Variants in SLC9A9 observed in about 807,000 individuals in gnomAD.
SLC9A9 encodes the protein sodium/hydrogen exchanger 9.
A neutral mutation model predicts 77.8 loss-of-function variants in SLC9A9; 62 were observed. That is an observed-to-expected ratio of 0.80 (90% CI 0.65 to 0.98). The LOEUF (loss-of-function observed/expected upper bound fraction) is 0.98. Ranked by LOEUF, SLC9A9 falls within the 50% of genes least tolerant of loss-of-function variation. The probability of loss-of-function intolerance (pLI) is 0.00; values close to 1 mark genes in which losing one functional copy is unlikely to be tolerated. For missense variants in SLC9A9, 775 were observed against 774.9 expected (o/e 1.00, Z 0.00); for synonymous variants, 320 against 283.5 (o/e 1.13, Z -1.29).
At chr3:143,377,956 T>C (rs948087394) in intron 13 of SLC9A9, among the ~76,000 whole-genome samples, 20 of 152,326 alleles carry the variant, frequency 1.3e-4, no homozygotes, top group African/African-American at 4.8e-4. Flanking sequence ...AATGCCTCCA[T>C]ACTTGCTGTA....
At chr3:143,744,848 C>A (rs1385584787) in intron 4 of SLC9A9, among the ~76,000 whole-genome samples, 1 of 152,138 alleles carries the variant, frequency 6.6e-6, no homozygotes, top group South Asian at 2.1e-4. Flanking sequence ...AAGCCAACAT[C>A]CAGAAGTTTT....
chr3:143,833,725 G>T (rs1239207933), intron 1 of SLC9A9, among the ~76,000 whole-genome samples: 1 of 152,192 alleles, frequency 6.6e-6, no homozygotes, highest in East Asian at 1.9e-4. Context: ...CTTCCTGATT[G>T]TCTTGCATCT....
chr3:143,292,855 A>T (rs539961842), intron 14 of SLC9A9, among the ~76,000 whole-genome samples: 1 of 152,090 alleles, frequency 6.6e-6, no homozygotes, highest in Non-Finnish European at 1.5e-5. Flanking sequence ...CGTTGATGAC[A>T]CTGTTCTGGC....
intron 13 of SLC9A9, among the ~76,000 whole-genome samples, chr3:143,368,610 A>T (rs1476577698): frequency 6.6e-6 from 1 of 152,222 alleles, no homozygotes; most frequent in African/African-American, 2.4e-5. Flanking sequence ...TCAACTGATA[A>T]CAAAGACAAA....
chr3:143,821,902 C>T (rs6793658), intron 2 of SLC9A9, among the ~76,000 whole-genome samples: 3 of 152,076 alleles, frequency 2.0e-5, no homozygotes, highest in Admixed American at 6.5e-5. Flanking sequence ...CCAGCCTATG[C>T]GGGGGTCAGT....
At chr3:143,767,340 A>G (rs1348973101) in intron 4 of SLC9A9, among the ~76,000 whole-genome samples, 1 of 150,420 alleles carries the variant, frequency 6.6e-6, no homozygotes, top group Non-Finnish European at 1.5e-5. Flanking sequence ...GCTGCCTTTC[A>G]GGTGATTTGG....
At chr3:143,294,052 A>G (rs2030138027) in intron 14 of SLC9A9, among the ~76,000 whole-genome samples, 1 of 152,236 alleles carries the variant, frequency 6.6e-6, no homozygotes, top group African/African-American at 2.4e-5. Context: ...CACTTGGTGC[A>G]CTGAGAATAA....
chr3:143,398,687 C>G (rs1404829480), intron 12 of SLC9A9, among the ~76,000 whole-genome samples: 2 of 152,002 alleles, frequency 1.3e-5, no homozygotes, highest in African/African-American at 4.8e-5. Context: ...TATCTATCAC[C>G]AACATCCAGC....
At chr3:143,300,907 G>T (rs6781552) in intron 14 of SLC9A9, among the ~76,000 whole-genome samples, 35,487 of 152,084 alleles carry the variant, frequency 0.23, 4,449 homozygotes, top group Non-Finnish European at 0.26. Context: ...TTGCAGATTT[G>T]CACTGAACTA....
intron 6 of SLC9A9, among the ~76,000 whole-genome samples, chr3:143,610,106 C>A (rs1458376202): frequency 2.6e-5 from 4 of 152,090 alleles, no homozygotes; most frequent in Non-Finnish European, 5.9e-5. Context: ...ATAGAGTTCA[C>A]TCCTTAGCAT....
At chr3:143,357,061 A>G (rs2032614098) in intron 14 of SLC9A9, among the ~76,000 whole-genome samples, 1 of 152,234 alleles carries the variant, frequency 6.6e-6, no homozygotes, top group South Asian at 2.1e-4. Context: ...TGCCATGTGC[A>G]TATTTATGTG....
chr3:143,273,604 G>A (rs146872841), intron 14 of SLC9A9, among the ~76,000 whole-genome samples: 1 of 152,186 alleles, frequency 6.6e-6, no homozygotes, highest in African/African-American at 2.4e-5. Flanking sequence ...TTTTGTTATG[G>A]CAGCCCAAGT....
intron 6 of SLC9A9, among the ~76,000 whole-genome samples, chr3:143,622,384 A>G (rs2038233017): frequency 6.6e-6 from 1 of 152,214 alleles, no homozygotes; most frequent in African/African-American, 2.4e-5. Context: ...GGTTACCCAC[A>G]AAGGGAAGCC....
chr3:143,806,736 GT>G (rs1249589838), intron 2 of SLC9A9, among the ~76,000 whole-genome samples: 1 of 145,736 alleles, frequency 6.9e-6, no homozygotes, highest in South Asian at 2.4e-4. Flanking sequence ...TTATGTGGTG[GT>G]GGGGGGGGCA....
chr3:143,426,327 A>T (rs1300556268), intron 12 of SLC9A9, among the ~76,000 whole-genome samples: 1 of 152,244 alleles, frequency 6.6e-6, no homozygotes, highest in Non-Finnish European at 1.5e-5. Flanking sequence ...CTAAAAAAGC[A>T]TTTTAATCAA....
rs139416359 is a variant in SLC9A9, at chr3:143,771,490, T to C, written c.533+23511A>G. 1.1e-4 allele frequency among the ~76,000 whole-genome samples: 16 copies of C among 152,220 alleles called. No homozygotes were observed. In the East Asian group the frequency reaches 3.1e-3, roughly 29 times the overall value. On this transcript the variant is annotated intron_variant, in intron 4 of 15. Coordinates refer to ENST00000316549, the MANE Select transcript of SLC9A9 (RefSeq NM_173653.4). ...CTTGTTAGTCACACACACCCACACATAGACACACACTCTGAAGTCACAGAG... is the reference window on the plus strand; with the variant it reads ...CTTGTTAGTCACACACACCCACACACAGACACACACTCTGAAGTCACAGAG...
At chr3:143,288,271 A>C (rs986567948) in intron 14 of SLC9A9, among the ~76,000 whole-genome samples, 4 of 151,890 alleles carry the variant, frequency 2.6e-5, no homozygotes, top group Non-Finnish European at 4.4e-5. Context: ...AAAAAAAAAA[A>C]CAAAACAAAA....
intron 6 of SLC9A9, among the ~76,000 whole-genome samples, chr3:143,604,296 G>A (rs1202279120): frequency 6.6e-6 from 1 of 152,156 alleles, no homozygotes; most frequent in Non-Finnish European, 1.5e-5. Flanking sequence ...TTGATTCCCT[G>A]TTACATGCCA....
At chr3:143,819,122 G>A (rs9817066) in intron 2 of SLC9A9, among the ~76,000 whole-genome samples, 82,939 of 151,998 alleles carry the variant, frequency 0.55, 25,971 homozygotes, top group Non-Finnish European at 0.69. Flanking sequence ...CATTTTCATT[G>A]AAATTCAGAG....
Sources: gnomAD v4.1 joint callset for allele counts (sites outside exome capture counted in the v4.1 genomes callset) on GRCh38, gnomAD v4.1.1 for gene constraint, MANE v1.5 for transcripts, NCBI Gene and HGNC (gene_info 2026-07-23, HGNC 2026-07-21) for gene names.